The following FKBP7 variants were observed in gnomAD, a reference collection of about 807,000 sequenced individuals.
FKBP7 encodes the protein FKBP prolyl isomerase 7, also known as peptidyl-prolyl cis-trans isomerase FKBP7.
In FKBP7, 24 loss-of-function variants were observed where a neutral mutation model predicts 24.3. The ratio of observed to expected loss-of-function variants is 0.99; its 90% CI spans 0.72 to 1.39. The LOEUF (loss-of-function observed/expected upper bound fraction) is 1.39. FKBP7 is among the 40% of genes most tolerant of loss of function. The probability of loss-of-function intolerance (pLI) is 0.00; values close to 1 mark genes in which losing one functional copy is unlikely to be tolerated. For missense variants in FKBP7, 257 were observed against 269.5 expected, an observed-to-expected ratio of 0.95 and a Z score of 0.33; for synonymous variants, 98 against 92.8, an observed-to-expected ratio of 1.06 and a Z score of -0.32.
intron 2 of FKBP7, among the ~76,000 whole-genome samples, chr2:178,470,797 AG>A (rs1021008389): frequency 5.9e-5 from 9 of 152,220 alleles, no homozygotes; most frequent in African/African-American, 1.9e-4. Flanking sequence ...AAAAAAAAAA[AG>A]AATTAAAATA....
In FKBP7 at chr2:178,478,275, C is replaced by T. The variant is rs1167562916; in HGVS notation, c.221+4G>A. 1.2e-6 allele frequency: 2 copies of T among 1,613,932 alleles called. No individual in the cohort carries two copies. Among genetic ancestry groups the T allele is most frequent in the Non-Finnish European group, 1.7e-6 (2 of 1,179,980 alleles). The stretch of plus-strand genomic sequence containing the variant: ...ACGCACGGGCAGCTCGCAGCATTTC[C>T]TACCTGCAGTAGAATTTCGAGCCGT... On this transcript the variant is annotated splice_donor_region_variant and intron_variant, in intron 1 of 3. Transcript: ENST00000424785.
At chr2:178,475,707 CT>C (rs1195377153) in intron 2 of FKBP7, among the ~76,000 whole-genome samples, 1 of 152,130 alleles carries the variant, frequency 6.6e-6, no homozygotes, top group Non-Finnish European at 1.5e-5. Flanking sequence ...TTCTCATAGA[CT>C]TAAAGGCCAT....
rs570094222 is a variant in FKBP7, at chr2:178,471,771, A to G, written c.374-1986T>C. Among the ~76,000 whole-genome samples, 20 of 152,332 alleles carry G rather than the reference A, an allele frequency of 1.3e-4. No individual in the cohort carries two copies. In the South Asian group the frequency reaches 4.1e-3, roughly 32 times the overall value. On this transcript the variant is annotated intron_variant, in intron 2 of 3. Transcript: ENST00000424785. ...AATAAAAAAGTGAAGCATTCTAGCT[A>G]AAGTCTTTATATAGTCTGAAGAGAA...
chr2:178,467,317 T>G (rs1405838665), intron 3 of FKBP7, among the ~76,000 whole-genome samples: 1 of 152,220 alleles, frequency 6.6e-6, no homozygotes, highest in Admixed American at 6.5e-5. Flanking sequence ...CTTTCCGTCT[T>G]TATTAATATT....
rs2154127308 is a variant in FKBP7 at position 178,478,531 on chromosome 2, C to T, written c.-32G>A. 6.2e-7 allele frequency: 1 copy of T among 1,610,420 alleles called. No homozygotes were observed. Among genetic ancestry groups the T allele is most frequent in the African/African-American group, 1.3e-5 (1 of 74,852 alleles). Reference sequence around the variant, plus strand: ...CAGCAGAACACTGCTCTCCCTCCCGCGTGTCACTCGCGCCCCGTGGATGTC... The same window carrying T: ...CAGCAGAACACTGCTCTCCCTCCCGTGTGTCACTCGCGCCCCGTGGATGTC... On this transcript the variant is annotated 5_prime_UTR_variant, in exon 1 of 4. Transcript: ENST00000424785.
At position 178,469,648 on chromosome 2, in the gene FKBP7, T is replaced by C; in HGVS notation, c.507+4A>G. 1 of 1,613,650 alleles carries C rather than the reference T, an allele frequency of 6.2e-7. No homozygotes were observed. Among genetic ancestry groups the C allele is most frequent in the East Asian group, 2.2e-5 (1 of 44,836 alleles). On this transcript the variant is annotated splice_donor_region_variant and intron_variant, in intron 3 of 3. Coordinates refer to ENST00000424785, the MANE Select transcript of FKBP7 (RefSeq NM_181342.3). Reference sequence around the variant, plus strand: ...ACTATACACATGAAATTGGTTTGAATTACCTCGGCTTTAGAGAGCTGCCTG... The same window carrying C: ...ACTATACACATGAAATTGGTTTGAACTACCTCGGCTTTAGAGAGCTGCCTG...
At chr2:178,470,313 G>C (rs1684815257) in intron 2 of FKBP7, among the ~76,000 whole-genome samples, 1 of 152,166 alleles carries the variant, frequency 6.6e-6, no homozygotes, top group Admixed American at 6.5e-5. Flanking sequence ...GTAATCTAGA[G>C]ATAATTTAAA....
chr2:178,474,025 C>A (rs1463389877), intron 2 of FKBP7, among the ~76,000 whole-genome samples: 1 of 152,156 alleles, frequency 6.6e-6, no homozygotes, highest in African/African-American at 2.4e-5. Flanking sequence ...TGACACCCCC[C>A]CACCACCCGC....
intron 2 of FKBP7, among the ~76,000 whole-genome samples, chr2:178,474,461 C>T (rs1294676073): frequency 1.3e-5 from 2 of 152,196 alleles, no homozygotes; most frequent in East Asian, 1.9e-4. Context: ...TCTTCTCATC[C>T]TTGACCCTGA....
intron 3 of FKBP7, among the ~76,000 whole-genome samples, chr2:178,468,450 C>A (rs968499197): frequency 2.0e-5 from 3 of 150,106 alleles, no homozygotes; most frequent in African/African-American, 7.4e-5. Flanking sequence ...GCCAGGAGTT[C>A]AAGACTAGCC....
rs1684599701 is a variant in FKBP7, at chr2:178,464,439, A to G, written c.*1331T>C. On this transcript the variant is annotated 3_prime_UTR_variant, in exon 4 of 4. Coordinates refer to ENST00000424785, the MANE Select transcript of FKBP7 (RefSeq NM_181342.3). ...GGGAGGCCTCAGGAAGCTTACAATC[A>G]TGGTGGAAGGCGGGGAAGCAAGGAC... 1 of 152,248 alleles carries G rather than the reference A, an allele frequency of 6.6e-6. No individual in the cohort carries two copies. Among genetic ancestry groups the G allele is most frequent in the Admixed American group, 6.5e-5 (1 of 15,272 alleles). The allele number at this position is 152,248 out of a possible 1,614,324, so 9.4% of individuals were successfully genotyped here. A position where few individuals can be genotyped will look rare whatever the true frequency, so the allele number is the denominator to read the frequency against.
At chr2:178,476,428 C>G (rs1458680710) in intron 2 of FKBP7, among the ~76,000 whole-genome samples, 3 of 152,178 alleles carry the variant, frequency 2.0e-5, no homozygotes, top group Non-Finnish European at 4.4e-5. Flanking sequence ...TACGCTTACA[C>G]TACCATGCAA....
intron 1 of FKBP7, among the ~76,000 whole-genome samples, 195 bp from the exon 2 acceptor site, chr2:178,477,408 AT>A (rs1289964054): frequency 6.6e-6 from 1 of 152,238 alleles, no homozygotes; most frequent in Non-Finnish European, 1.5e-5. Context: ...AAAGTTAATC[AT>A]TAACAGCCAT....
intron 2 of FKBP7, among the ~76,000 whole-genome samples, chr2:178,474,832 C>T (rs536402452): frequency 2.0e-5 from 3 of 152,214 alleles, no homozygotes; most frequent in East Asian, 1.9e-4. Context: ...GGACCACAGG[C>T]GGATACCGCC....
At chr2:178,478,108 T>C (rs1321015104) in intron 1 of FKBP7, among the ~76,000 whole-genome samples, 171 bp downstream of exon 1, 1 of 152,154 alleles carries the variant, frequency 6.6e-6, no homozygotes, top group Non-Finnish European at 1.5e-5. Context: ...AAATATTCAG[T>C]TTATTAGAGA....
At chr2:178,467,887 G>A (rs1684721624) in intron 3 of FKBP7, 1 of 152,174 alleles carries the variant, frequency 6.6e-6, no homozygotes, top group Non-Finnish European at 1.5e-5. Context: ...ATCTGCAGCT[G>A]CTATTCACTC....
chr2:178,477,799 G>A (rs562460450), intron 1 of FKBP7, among the ~76,000 whole-genome samples: 1 of 152,240 alleles, frequency 6.6e-6, no homozygotes, highest in African/African-American at 2.4e-5. Flanking sequence ...TAGGCACCAG[G>A]TGGAATGAGG....
At chr2:178,472,530 A>G (rs1684876072) in intron 2 of FKBP7, among the ~76,000 whole-genome samples, 1 of 151,812 alleles carries the variant, frequency 6.6e-6, no homozygotes, top group African/African-American at 2.4e-5. Context: ...GCTAGAGTGC[A>G]ATGGCGCGAT....
rs1254190706 is a variant in FKBP7 at position 178,470,727 on chromosome 2, T to A, written c.374-942A>T. 4.0e-5 allele frequency among the ~76,000 whole-genome samples: 6 copies of A among 151,438 alleles called. No homozygotes were observed. In the South Asian group the frequency reaches 1.0e-3, roughly 26 times the overall value. On this transcript the variant is annotated intron_variant, in intron 2 of 3. Transcript: ENST00000424785. ...ACTCTGGGAGACCGAGACAGGAGGA[T>A]CACTTGAGCCCAGGAGTTTGAGACC...
Sources: allele counts gnomAD v4.1 joint callset (sites outside exome capture counted in the v4.1 genomes callset), GRCh38; gene constraint gnomAD v4.1.1; transcripts MANE v1.5; gene names NCBI Gene and HGNC (gene_info 2026-07-23, HGNC 2026-07-21).